Variants in BIRC6 observed in about 807,000 individuals in gnomAD.
BIRC6 encodes baculoviral IAP repeat containing 6.
BIRC6 carries 98 observed loss-of-function variants against 503.3 expected under a neutral mutation model. The ratio of observed to expected loss-of-function variants is 0.19; its 90% confidence interval spans 0.17 to 0.23. The LOEUF (loss-of-function observed/expected upper bound fraction) is 0.23, where lower values mean the gene tolerates loss of function less well. BIRC6 is among the 10% of genes least tolerant of loss of function. The probability of loss-of-function intolerance (pLI) is 1.00; values close to 1 mark genes in which losing one functional copy is unlikely to be tolerated. For synonymous variants in BIRC6, 2,240 were observed against 2,078.7 expected (o/e 1.08, Z -2.11); for missense variants, 5,360 against 5,806.0 (o/e 0.92, Z 2.50).
At position 32,415,975 on chromosome 2, in the gene BIRC6, C is replaced by T. The variant is rs1259889945; in HGVS notation, c.2684C>T (p.Ser895Phe). ...SKNGFEREKTSDISTLGHLVI... is the reference protein window; with the variant it reads ...SKNGFEREKTFDISTLGHLVI... The stretch of plus-strand genomic sequence containing the variant: ...AATGGTTTTGAGAGAGAAAAAACGT[C>T]TGACATTTCTACTCTTGGACACCTG... The change falls in exon 10 of 74, where the codon TCT (serine) becomes TTT (phenylalanine). Residue 895 changes from serine (S) to phenylalanine (F), a missense_variant. This residue lies in a region of BIRC6 where 700 missense variants were observed against 739.3 expected (regional missense o/e 0.95). Coordinates refer to ENST00000421745, the MANE Select transcript of BIRC6 (RefSeq NM_016252.4). 4 of 1,613,820 alleles carry T rather than the reference C, an allele frequency of 2.5e-6. No individual in the cohort carries two copies. The highest frequency in any genetic ancestry group is 3.4e-6 in the Non-Finnish European group (4 of 1,179,806).
intron 9 of BIRC6, among the ~76,000 whole-genome samples, chr2:32,410,299 TAAAAC>T (rs1174812245): frequency 2.6e-5 from 4 of 152,030 alleles, no homozygotes; most frequent in Non-Finnish European, 4.4e-5. Flanking sequence ...AGACTCCGTC[TAAAAC>T]AAAACAAAAC....
chr2:32,524,297 T>G (rs1241340279), intron 57 of BIRC6, among the ~76,000 whole-genome samples: 2 of 152,320 alleles, frequency 1.3e-5, no homozygotes, highest in East Asian at 3.9e-4. Context: ...TAAAACATAT[T>G]ACTTTGTTGT....
chr2:32,395,714 T>A, intron 6 of BIRC6, 121 bp downstream of exon 6: 1 of 759,048 alleles, frequency 1.3e-6, no homozygotes. Context: ...TTTTTGTCAT[T>A]GTCCTGAGAA....
At chr2:32,592,072 C>G (rs892399196) in intron 66 of BIRC6, among the ~76,000 whole-genome samples, 7 of 152,180 alleles carry the variant, frequency 4.6e-5, no homozygotes, top group African/African-American at 7.2e-5. Flanking sequence ...GTAGTTGACT[C>G]GAGCAGTAAA....
intron 9 of BIRC6, among the ~76,000 whole-genome samples, chr2:32,410,550 A>G (rs771530033): frequency 4.6e-5 from 7 of 152,188 alleles, no homozygotes; most frequent in Admixed American, 2.0e-4. Flanking sequence ...GTGAAATGAC[A>G]TCATCCCCAG....
chr2:32,391,333 T>C (rs1022940584), intron 4 of BIRC6, among the ~76,000 whole-genome samples: 1 of 152,166 alleles, frequency 6.6e-6, no homozygotes, highest in Non-Finnish European at 1.5e-5. Flanking sequence ...CTTAGGTCTG[T>C]GGAAGGTTTG....
intron 51 of BIRC6, among the ~76,000 whole-genome samples, chr2:32,509,015 G>A (rs920271129): frequency 6.6e-6 from 1 of 151,120 alleles, no homozygotes; most frequent in South Asian, 2.1e-4. Flanking sequence ...GTTGCAGTGA[G>A]CCACGATTCC....
intron 57 of BIRC6, among the ~76,000 whole-genome samples, chr2:32,524,386 C>A (rs1052810813): frequency 1.3e-5 from 2 of 152,162 alleles, no homozygotes; most frequent in Admixed American, 6.6e-5. Context: ...TTTATACTTT[C>A]ATTTGTAATA....
At chr2:32,378,580 C>T (rs1390491712) in intron 2 of BIRC6, among the ~76,000 whole-genome samples, 2 of 151,926 alleles carry the variant, frequency 1.3e-5, no homozygotes. Flanking sequence ...GCCTCAGCCT[C>T]CCTAGTAGCT....
At chr2:32,606,584 C>T (rs2062471550) in intron 71 of BIRC6, among the ~76,000 whole-genome samples, 1 of 151,706 alleles carries the variant, frequency 6.6e-6, no homozygotes, top group Middle Eastern at 3.2e-3. Context: ...CAGAGCAAGA[C>T]TCCATCTCAA....
chr2:32,429,265 T>A lies in BIRC6; in HGVS notation c.2992T>A (p.Leu998Ile). 6.5e-7 allele frequency: 1 copy of A among 1,531,222 alleles called. No homozygotes were observed. Among genetic ancestry groups the A allele is most frequent in the Non-Finnish European group, 8.8e-7 (1 of 1,140,824 alleles). The allele number at this position is 1,531,222 out of a possible 1,614,324, so 94.9% of individuals were successfully genotyped here. A position where few individuals can be genotyped will look rare whatever the true frequency, so the allele number is the denominator to read the frequency against. ...ACCATCTTCAGAAGGTTCCAAACCT[T>A]TATCAAATCCTTCAAGTCCTGGCAT... ...IEPSSEGSKP[L>I]SNPSSPGISG... The change falls in exon 11 of 74, where the codon TTA (leucine) becomes ATA (isoleucine). Residue 998 changes from leucine to isoleucine, a missense_variant. Coordinates refer to ENST00000421745, the MANE Select transcript of BIRC6 (RefSeq NM_016252.4).
chr2:32,383,641 C>T (rs1420355060), intron 3 of BIRC6, among the ~76,000 whole-genome samples: 2 of 152,170 alleles, frequency 1.3e-5, no homozygotes, highest in Non-Finnish European at 2.9e-5. Context: ...AAGTCATTCT[C>T]CTGCCTCAGT....
chr2:32,518,385 G>C lies in BIRC6; in HGVS notation c.11481G>C (p.Gln3827His). The C allele has an allele frequency of 6.2e-7, 1 of 1,608,638 alleles. No individual in the cohort carries two copies. The highest frequency in any genetic ancestry group is 1.1e-5 in the South Asian group (1 of 89,510). The change falls in exon 56 of 74, where the codon CAG becomes CAC. Residue 3827 changes from glutamine to histidine, a missense_variant. Around this residue, in one of 16 missense-constraint regions of BIRC6, gnomAD observed 878 missense variants for 928.9 expected, o/e 0.95. Coordinates refer to ENST00000421745, the MANE Select transcript of BIRC6 (RefSeq NM_016252.4). ...LEDEKVTMFLQSPCPLYKGRI... is the reference protein window; with the variant it reads ...LEDEKVTMFLHSPCPLYKGRI... ...ATGAGAAAGTGACAATGTTTCTTCAGTCTCCATGTCCAGTGAGTATTTAAC... is the reference window on the plus strand; with the variant it reads ...ATGAGAAAGTGACAATGTTTCTTCACTCTCCATGTCCAGTGAGTATTTAAC...
At chr2:32,534,758 AAT>A (rs1441909215) in intron 61 of BIRC6, among the ~76,000 whole-genome samples, 9 of 149,854 alleles carry the variant, frequency 6.0e-5, no homozygotes, top group African/African-American at 2.0e-4. Flanking sequence ...AAAAAAAAAA[AAT>A]GGTTCAAATG....
rs763568589 is a variant in BIRC6 at position 32,483,281 on chromosome 2, A to AT, written c.7696+705dup. Among the ~76,000 whole-genome samples, 4 of 152,198 alleles carry AT rather than the reference A, an allele frequency of 2.6e-5. No homozygotes were observed. In the East Asian group the frequency reaches 7.7e-4, roughly 29 times the overall value. On this transcript the variant is annotated intron_variant, in intron 39 of 73. Coordinates refer to ENST00000421745, the MANE Select transcript of BIRC6 (RefSeq NM_016252.4). Reference sequence around the variant, plus strand: ...TGTGTTTAATTTTTTAATAAAATACATTTTTTCCCTTTTCAACGCTGCTCC... The same window carrying AT: ...TGTGTTTAATTTTTTAATAAAATACATTTTTTTCCCTTTTCAACGCTGCTCC...
At chr2:32,422,158 T>C (rs1319031424) in intron 10 of BIRC6, among the ~76,000 whole-genome samples, 2 of 152,240 alleles carry the variant, frequency 1.3e-5, no homozygotes, top group South Asian at 2.1e-4. Context: ...AATTTTACTT[T>C]CAACTAACTT....
intron 13 of BIRC6, 119 bp downstream of exon 13, chr2:32,433,923 T>C: frequency 1.2e-6 from 1 of 806,580 alleles, no homozygotes; most frequent in Non-Finnish European, 1.8e-6. Flanking sequence ...ATTTGCCTGC[T>C]TTACTTTTTG....
At chr2:32,472,116 A>G (rs987316095) in intron 32 of BIRC6, among the ~76,000 whole-genome samples, 2 of 152,214 alleles carry the variant, frequency 1.3e-5, no homozygotes, top group Non-Finnish European at 2.9e-5. Flanking sequence ...GCCCAGGTTG[A>G]AGTGCAGTGG....
At position 32,357,421 on chromosome 2, in the gene BIRC6, G is replaced by A; in HGVS notation, c.260G>A (p.Ser87Asn). The A allele has an allele frequency of 1.3e-6, 2 of 1,549,738 alleles. No individual in the cohort carries two copies. Among genetic ancestry groups the A allele is most frequent in the Non-Finnish European group, 1.7e-6 (2 of 1,146,756 alleles). The change falls in exon 1 of 74, where the codon AGC becomes AAC. Residue 87 changes from serine (S) to asparagine (N), a missense_variant. Physicochemically the swap from Ser to Asn is conservative, Grantham distance 46 (BLOSUM62 1). Transcript: ENST00000421745. The surrounding 1 kb of genome is among the most constrained non-coding windows in gnomAD (Gnocchi z 4.9). ...PALNAILAVT[S>N]RGTIKVIDGT... Reference sequence around the variant, plus strand: ...CTCAACGCCATCCTGGCCGTCACTAGCCGCGGGACCATCAAAGTCATCGAC... The same window carrying A: ...CTCAACGCCATCCTGGCCGTCACTAACCGCGGGACCATCAAAGTCATCGAC...
Sources: allele counts gnomAD v4.1 joint callset (sites outside exome capture counted in the v4.1 genomes callset), GRCh38; gene constraint gnomAD v4.1.1; regional missense constraint gnomAD v4.1.1; non-coding constraint Gnocchi (gnomAD v3.1); transcripts MANE v1.5; gene names NCBI Gene and HGNC (gene_info 2026-07-23, HGNC 2026-07-21).